Variants in CACNA2D1 observed in about 807,000 individuals in gnomAD.
CACNA2D1 encodes voltage-dependent calcium channel subunit alpha-2/delta-1.
Under a neutral mutation model 171.5 loss-of-function variants are expected in CACNA2D1, and 53 were observed. That is an observed-to-expected ratio of 0.31 (90% CI 0.25 to 0.39). The LOEUF is 0.39. CACNA2D1 is among the 10% of genes least tolerant of loss of function. The probability of loss-of-function intolerance (pLI) is 1.00; values close to 1 mark genes in which losing one functional copy is unlikely to be tolerated. For missense variants in CACNA2D1, 903 were observed against 1,299.8 expected, an observed-to-expected ratio of 0.69 and a Z score of 4.69; for synonymous variants, 442 against 443.1, an observed-to-expected ratio of 1.00 and a Z score of 0.03.
At chr7:82,053,061 G>C (rs2131322120) in intron 10 of CACNA2D1, among the ~76,000 whole-genome samples, 1 of 152,154 alleles carries the variant, frequency 6.6e-6, no homozygotes, top group East Asian at 1.9e-4. Flanking sequence ...GACCATCCTG[G>C]CTAAGAGGGT....
chr7:82,010,499 A>T (rs1321328190), intron 15 of CACNA2D1, among the ~76,000 whole-genome samples: 1 of 152,052 alleles, frequency 6.6e-6, no homozygotes, highest in Non-Finnish European at 1.5e-5. Context: ...ATGCTGGCTA[A>T]TGAACTTCCA....
Position 82,184,224 on chromosome 7 carries a change from G to T in CACNA2D1, c.295-13615C>A, listed in dbSNP as rs115210566. Among the ~76,000 whole-genome samples the T allele has an allele frequency of 4.6e-3, 555 of 120,016 alleles. 7 individuals are homozygous for T. Among genetic ancestry groups the T allele is most frequent in the African/African-American group, 0.017 (532 of 31,218 alleles). The allele number at this position is 120,016 out of a possible 152,430, so 78.7% of individuals were successfully genotyped here. On this transcript the variant is annotated intron_variant, in intron 3 of 38. Transcript: ENST00000356860. ...GAGGGGGATGGATGTATCACATTCTGTGGCAAAGAGTGTACTATATGCCCC... is the reference window on the plus strand; with the variant it reads ...GAGGGGGATGGATGTATCACATTCTTTGGCAAAGAGTGTACTATATGCCCC...
At chr7:82,416,955 A>G (rs915287210) in intron 1 of CACNA2D1, among the ~76,000 whole-genome samples, 4 of 152,222 alleles carry the variant, frequency 2.6e-5, no homozygotes, top group African/African-American at 9.6e-5. Context: ...AATATAATAC[A>G]TAGTAATTAT....
At chr7:82,438,646 G>T (rs1312626743) in intron 1 of CACNA2D1, among the ~76,000 whole-genome samples, 2 of 152,176 alleles carry the variant, frequency 1.3e-5, no homozygotes. Flanking sequence ...GAAAGCAACT[G>T]TATGAAAGCC....
chr7:82,028,777 T>G (rs1584472092), intron 12 of CACNA2D1: 1 of 151,832 alleles, frequency 6.6e-6, no homozygotes, highest in Non-Finnish European at 1.5e-5. Context: ...AAGTGGACAC[T>G]GAAGATGGGC....
At chr7:82,074,328 AG>A (rs1461264324) in intron 7 of CACNA2D1, among the ~76,000 whole-genome samples, 6 of 152,074 alleles carry the variant, frequency 3.9e-5, no homozygotes, top group Non-Finnish European at 8.8e-5. Context: ...CCAGGTTGAA[AG>A]CAATTCTCCT....
At chr7:82,376,358 A>G (rs1823015886) in intron 1 of CACNA2D1, among the ~76,000 whole-genome samples, 1 of 152,174 alleles carries the variant, frequency 6.6e-6, no homozygotes, top group Non-Finnish European at 1.5e-5. Flanking sequence ...GACAATGACA[A>G]CCTAACACTC....
At chr7:82,068,421 C>T (rs980518719) in intron 7 of CACNA2D1, among the ~76,000 whole-genome samples, 1 of 152,090 alleles carries the variant, frequency 6.6e-6, no homozygotes, top group Non-Finnish European at 1.5e-5. Flanking sequence ...CCCAGGGGAA[C>T]TGGGGGATTA....
intron 25 of CACNA2D1, among the ~76,000 whole-genome samples, chr7:81,972,272 T>C (rs961811596): frequency 6.6e-6 from 1 of 151,334 alleles, no homozygotes; most frequent in Non-Finnish European, 1.5e-5. Context: ...AATTTATATA[T>C]ATAGAAACAG....
intron 4 of CACNA2D1, among the ~76,000 whole-genome samples, chr7:82,141,650 C>T (rs1460695951): frequency 6.6e-6 from 1 of 152,184 alleles, no homozygotes; most frequent in Non-Finnish European, 1.5e-5. Flanking sequence ...CCCTACAACT[C>T]GTCTGTGGCA....
intron 3 of CACNA2D1, among the ~76,000 whole-genome samples, chr7:82,268,851 G>C (rs946586566): frequency 6.6e-5 from 10 of 152,144 alleles, no homozygotes; most frequent in African/African-American, 2.4e-4. Context: ...GGAAGCAAAG[G>C]GTGGCTGGGA....
intron 3 of CACNA2D1, among the ~76,000 whole-genome samples, chr7:82,291,639 G>C (rs1449508186): frequency 7.3e-6 from 1 of 137,112 alleles, no homozygotes; most frequent in African/African-American, 2.7e-5. Context: ...ATCTATCTGT[G>C]TGTGTGTGTG....
At chr7:82,268,088 C>T (rs943521436) in intron 3 of CACNA2D1, among the ~76,000 whole-genome samples, 6 of 152,122 alleles carry the variant, frequency 3.9e-5, no homozygotes, top group African/African-American at 1.2e-4. Flanking sequence ...TATTTTGCTA[C>T]TTTTGGTAAA....
At chr7:82,136,499 G>C (rs537161941) in intron 5 of CACNA2D1, 136 bp downstream of exon 5, 2 of 608,870 alleles carry the variant, frequency 3.3e-6, no homozygotes, top group Non-Finnish European at 5.8e-6. Context: ...TCATTATCTC[G>C]TATCTAACTA....
At chr7:82,265,013 T>C (rs1807634939) in intron 3 of CACNA2D1, among the ~76,000 whole-genome samples, 1 of 152,198 alleles carries the variant, frequency 6.6e-6, no homozygotes, top group African/African-American at 2.4e-5. Context: ...GTTTCTGTTA[T>C]ATTAAAAAAG....
At chr7:82,407,658 A>C (rs950700305) in intron 1 of CACNA2D1, among the ~76,000 whole-genome samples, 1 of 152,158 alleles carries the variant, frequency 6.6e-6, no homozygotes, top group Non-Finnish European at 1.5e-5. Flanking sequence ...TTTAGGTGGG[A>C]GAAAGATAAA....
intron 21 of CACNA2D1, among the ~76,000 whole-genome samples, chr7:81,990,974 T>C (rs909818992): frequency 2.6e-5 from 4 of 152,184 alleles, no homozygotes; most frequent in African/African-American, 9.6e-5. Flanking sequence ...ATACAAAATA[T>C]ATATATTTAT....
intron 5 of CACNA2D1, among the ~76,000 whole-genome samples, chr7:82,119,174 G>A (rs1789424263): frequency 6.6e-6 from 1 of 152,014 alleles, no homozygotes; most frequent in South Asian, 2.1e-4. Context: ...ACACATACAA[G>A]AAAGAACATC....
chr7:82,370,096 T>C (rs1387274848), intron 1 of CACNA2D1, among the ~76,000 whole-genome samples: 5 of 152,046 alleles, frequency 3.3e-5, no homozygotes, highest in African/African-American at 9.7e-5. Context: ...ATACTTAATG[T>C]TAAAATCTTT....
Sources: gnomAD v4.1 joint callset for allele counts (sites outside exome capture counted in the v4.1 genomes callset) on GRCh38, gnomAD v4.1.1 for gene constraint, MANE v1.5 for transcripts, NCBI Gene and HGNC (gene_info 2026-07-23, HGNC 2026-07-21) for gene names.